Variants in CNTLN observed in about 807,000 individuals in gnomAD.
The protein encoded by CNTLN is centlein, centrosomal protein.
In CNTLN, 212 loss-of-function variants were observed where a neutral mutation model predicts 180.0. The observed-to-expected ratio is 1.18, with a 90% CI of 1.05 to 1.32. The LOEUF is 1.32. Among genes scored for constraint, CNTLN ranks in the 40% most tolerant of loss-of-function variants. CNTLN has a pLI of 0.00. For synonymous variants in CNTLN, 722 were observed against 563.1 expected (o/e 1.28, Z -3.99); for missense variants, 2,095 against 1,610.9 (o/e 1.30, Z -5.14).
intron 18 of CNTLN, among the ~76,000 whole-genome samples, chr9:17,419,636 T>C (rs924078651): frequency 6.6e-6 from 1 of 152,166 alleles, no homozygotes; most frequent in African/African-American, 2.4e-5. Flanking sequence ...AAAAGATTTT[T>C]GGAAAGTTAG....
intron 23 of CNTLN, among the ~76,000 whole-genome samples, chr9:17,474,500 A>G (rs1189154172): frequency 2.0e-5 from 3 of 152,098 alleles, no homozygotes; most frequent in Non-Finnish European, 2.9e-5. Flanking sequence ...GCTTGTACCT[A>G]TGCATTAGTC....
Position 17,457,640 on chromosome 9 carries a change from A to G in CNTLN, c.3231A>G (p.Pro1077=), listed in dbSNP as rs755677968. 2 of 1,553,462 alleles carry G rather than the reference A, an allele frequency of 1.3e-6. No individual in the cohort carries two copies. Among genetic ancestry groups the G allele is most frequent in the South Asian group, 2.5e-5 (2 of 81,520 alleles). Residue 1077 remains proline, a synonymous_variant, in exon 19 of 26, where the codon CCA becomes CCG. Transcript: ENST00000380647. ...LAEENSQVTF[P]RIQVTSLSPS... ...AAGAAAATTCCCAGGTAACATTTCCACGGATACAAGTTACATCACTTAGTC... is the reference window on the plus strand; with the variant it reads ...AAGAAAATTCCCAGGTAACATTTCCGCGGATACAAGTTACATCACTTAGTC...
chr9:17,214,738 G>T (rs1320578128), intron 2 of CNTLN, among the ~76,000 whole-genome samples: 1 of 152,152 alleles, frequency 6.6e-6, no homozygotes, highest in Non-Finnish European at 1.5e-5. Flanking sequence ...GTATTTCTTG[G>T]AGGCTTTGTT....
intron 13 of CNTLN, among the ~76,000 whole-genome samples, chr9:17,375,705 A>G (rs1223936528): frequency 6.6e-6 from 1 of 152,096 alleles, no homozygotes; most frequent in East Asian, 1.9e-4. Context: ...TTTAGTTCGT[A>G]TCTTTTTTCC....
At chr9:17,487,792 A>G (rs1832967524) in intron 25 of CNTLN, among the ~76,000 whole-genome samples, 1 of 152,180 alleles carries the variant, frequency 6.6e-6, no homozygotes, top group East Asian at 1.9e-4. Flanking sequence ...TTTAATACAC[A>G]TATAGTCTGC....
chr9:17,292,709 A>T (rs1829494712), intron 6 of CNTLN, among the ~76,000 whole-genome samples: 1 of 152,070 alleles, frequency 6.6e-6, no homozygotes, highest in African/African-American at 2.4e-5. Context: ...GTAATGTTTT[A>T]TCATGGTTCT....
At chr9:17,199,203 CTTTTTTTTTT>C (rs763632027) in intron 2 of CNTLN, among the ~76,000 whole-genome samples, 1 of 73,798 alleles carries the variant, frequency 1.4e-5, no homozygotes, top group African/African-American at 4.7e-5. Context: ...TGTTTCTTGA[CTTTTTTTTTT>C]TTTTTTTTTT....
chr9:17,269,264 C>T (rs141795074), intron 5 of CNTLN, among the ~76,000 whole-genome samples: 1 of 152,000 alleles, frequency 6.6e-6, no homozygotes, highest in African/African-American at 2.4e-5. Context: ...TTTAATTAAC[C>T]ACTACTCTAA....
At chr9:17,319,319 C>T (rs1170174038) in intron 8 of CNTLN, among the ~76,000 whole-genome samples, 1 of 152,174 alleles carries the variant, frequency 6.6e-6, no homozygotes, top group East Asian at 1.9e-4. Context: ...GGGCTGGGGC[C>T]TGAGATTCTG....
intron 18 of CNTLN, among the ~76,000 whole-genome samples, chr9:17,431,506 G>A (rs1180280320): frequency 6.6e-6 from 1 of 151,904 alleles, no homozygotes; most frequent in Non-Finnish European, 1.5e-5. Context: ...TCTCTTTGTT[G>A]ATTGTTTCCA....
At chr9:17,308,884 A>T (rs10121471) in intron 7 of CNTLN, among the ~76,000 whole-genome samples, 174 bp from the exon 8 acceptor site, 126,068 of 150,450 alleles carry the variant, frequency 0.84, 52,850 homozygotes, top group Non-Finnish European at 0.87. Context: ...TATTATATAA[A>T]TTAGTTATTT....
chr9:17,528,210 G>T, the CNTLN span, among the ~76,000 whole-genome samples: 1 of 152,174 alleles, frequency 6.6e-6, no homozygotes, highest in Non-Finnish European at 1.5e-5. Flanking sequence ...ATTATAGAAA[G>T]CAGGGGGAAA....
intron 2 of CNTLN, among the ~76,000 whole-genome samples, chr9:17,164,457 GT>G (rs772109564): frequency 7.6e-3 from 521 of 68,452 alleles, no homozygotes; most frequent in African/African-American, 0.026. Context: ...TTATTTTTAT[GT>G]TTTTTTTTTT....
At chr9:17,357,366 T>C (rs919930182) in intron 12 of CNTLN, among the ~76,000 whole-genome samples, 8 of 151,978 alleles carry the variant, frequency 5.3e-5, no homozygotes, top group Admixed American at 4.6e-4. Context: ...CAGGCAGATA[T>C]ATCACTTGAG....
At chr9:17,358,229 G>C (rs899800003) in intron 12 of CNTLN, among the ~76,000 whole-genome samples, 2 of 151,948 alleles carry the variant, frequency 1.3e-5, no homozygotes, top group African/African-American at 4.8e-5. Flanking sequence ...ATGTCTCTTA[G>C]TGATAGATAC....
intron 16 of CNTLN, among the ~76,000 whole-genome samples, chr9:17,412,007 C>G (rs1193380233): frequency 1.3e-5 from 2 of 152,038 alleles, no homozygotes; most frequent in Non-Finnish European, 1.5e-5. Context: ...ACTACTTATA[C>G]CTAACAAGCC....
At position 17,201,312 on chromosome 9, in the gene CNTLN, C is replaced by T. The variant is rs193052158; in HGVS notation, c.450-24891C>T. On this transcript the variant is annotated intron_variant, in intron 2 of 25. Transcript: ENST00000380647. Reference sequence around the variant, plus strand: ...AAATTTTCCTTTTTTTGTTGTGTCTCTGCCAGGTTTTGGTATCAGGATGAT... The same window carrying T: ...AAATTTTCCTTTTTTTGTTGTGTCTTTGCCAGGTTTTGGTATCAGGATGAT... Among the ~76,000 whole-genome samples the T allele has an allele frequency of 5.1e-3, 773 of 152,284 alleles. 5 individuals are homozygous for T. The highest frequency in any genetic ancestry group is 8.0e-3 in the Admixed American group (122 of 15,296).
chr9:17,267,443 C>G (rs973142561), intron 5 of CNTLN, among the ~76,000 whole-genome samples: 1 of 152,050 alleles, frequency 6.6e-6, no homozygotes, highest in Non-Finnish European at 1.5e-5. Flanking sequence ...TGTGGGTAAC[C>G]CGACCTTTCT....
chr9:17,330,550 A>T (rs888542282), intron 8 of CNTLN, 82 bp from the exon 9 acceptor site: 2 of 731,406 alleles, frequency 2.7e-6, no homozygotes, highest in Admixed American at 3.2e-5. Context: ...TCTATAATAT[A>T]GTGTTACATT....
Sources: gnomAD v4.1 joint callset for allele counts (sites outside exome capture counted in the v4.1 genomes callset) on GRCh38, gnomAD v4.1.1 for gene constraint, MANE v1.5 for transcripts, NCBI Gene and HGNC (gene_info 2026-07-23, HGNC 2026-07-21) for gene names.